RTP1: variants seen among roughly 807,000 people sequenced by gnomAD.
RTP1 encodes the protein receptor-transporting protein 1.
A neutral mutation model predicts 27.1 loss-of-function variants in RTP1; 24 were observed. The ratio of observed to expected loss-of-function variants is 0.89; its 90% confidence interval spans 0.64 to 1.25. The LOEUF (loss-of-function observed/expected upper bound fraction) is 1.25, where lower values mean the gene tolerates loss of function less well. RTP1 is among the 50% of genes most tolerant of loss of function. The probability of loss-of-function intolerance (pLI) is 0.00; values close to 1 mark genes in which losing one functional copy is unlikely to be tolerated. For missense variants in RTP1, 338 were observed against 351.6 expected (o/e 0.96, Z 0.31); for synonymous variants, 148 against 148.1 (o/e 1.00, Z 0.00).
At position 187,200,476 on chromosome 3, in the gene RTP1, C is replaced by G. The variant is rs1721700599; in HGVS notation, c.*406C>G. ...AAAAAAAAAAAAAAAAAAAGTTTAA[C>G]TACTTTTAAAAAGTTTGAAAATTAG... On this transcript the variant is annotated 3_prime_UTR_variant, in exon 2 of 2. Transcript: ENST00000312295. 6.7e-6 allele frequency: 1 copy of G among 150,184 alleles called. No individual in the cohort carries two copies. 9.3% of individuals were successfully genotyped at this position (150,184 alleles called of 1,614,324 possible).
chr3:187,199,452 A>AGGC, intron 1 of RTP1, 99 bp from the exon 2 acceptor site: 2 of 1,344,750 alleles, frequency 1.5e-6, no homozygotes, highest in South Asian at 2.8e-5. Flanking sequence ...CTCCACCTCC[A>AGGC]GGCTCTGCTT....
Position 187,197,635 on chromosome 3 carries a change from C to A in RTP1, c.120C>A (p.Ser40Arg). ...CTACTGACGAGACCATGTGTAAAAG[C>A]GTGACCACAGATGAGTGGAAGAAAG... ...SLTTDETMCK[S>R]VTTDEWKKVF... The change falls in exon 1 of 2, where the codon AGC becomes AGA. Residue 40 changes from serine to arginine, a missense_variant. Ser to Arg is a moderately radical substitution (Grantham distance 110). Transcript: ENST00000312295. The A allele has an allele frequency of 3.1e-6, 5 of 1,614,124 alleles. No homozygotes were observed. The highest frequency in any genetic ancestry group is 4.2e-6 in the Non-Finnish European group (5 of 1,180,018).
At chr3:187,197,901 C>A in intron 1 of RTP1, 114 bp downstream of exon 1, 1 of 1,049,962 alleles carries the variant, frequency 9.5e-7, no homozygotes, top group Non-Finnish European at 1.4e-6. Context: ...TTCAATCTCA[C>A]TATTAGGCTG....
rs905045520 is a variant in RTP1 at position 187,197,594 on chromosome 3, A to T, written c.79A>T (p.Lys27Ter). Reference sequence around the variant, plus strand: ...ACTCTCCGTGTTCTCACTAAGGTGGAAATTGCCTTCCCTCACTACTGACGA... The same window carrying T: ...ACTCTCCGTGTTCTCACTAAGGTGGTAATTGCCTTCCCTCACTACTGACGA... ...PSLSVFSLRWKLPSLTTDETM... is the reference protein window; with the variant it reads ...PSLSVFSLRW Residue 27 changes from lysine to a stop codon, truncating the protein, a stop_gained, in exon 1 of 2, where the codon AAA becomes TAA. Coordinates refer to ENST00000312295, the MANE Select transcript of RTP1 (RefSeq NM_153708.3). LOFTEE classifies it high-confidence loss of function. 1.9e-6 allele frequency: 3 copies of T among 1,614,152 alleles called. No individual in the cohort carries two copies. Among genetic ancestry groups the T allele is most frequent in the Admixed American group, 3.3e-5 (2 of 60,026 alleles).
intron 1 of RTP1, chr3:187,199,349 C>G (rs1316265222): frequency 1.8e-6 from 1 of 559,130 alleles, no homozygotes; most frequent in African/African-American, 1.9e-5. Context: ...CCGGTGACAT[C>G]CTGAGGAACC....
At position 187,199,778 on chromosome 3, in the gene RTP1, G is replaced by T; in HGVS notation, c.500G>T (p.Gly167Val). Residue 167 changes from glycine (G) to valine (V), a missense_variant, in exon 2 of 2, where the codon GGC (glycine) becomes GTC (valine). Around this residue, in one of 3 missense-constraint regions of RTP1, gnomAD observed 252 missense variants for 231.5 expected, o/e 1.09. Coordinates refer to ENST00000312295, the MANE Select transcript of RTP1 (RefSeq NM_153708.3). ...LITSLREQCY[G>V]ERGGQYRIHV... is the part of the protein sequence containing the mutation. Reference sequence around the variant, plus strand: ...ACCAGCCTGCGCGAGCAGTGCTACGGCGAGCGTGGCGGCCAGTACCGCATC... The same window carrying T: ...ACCAGCCTGCGCGAGCAGTGCTACGTCGAGCGTGGCGGCCAGTACCGCATC... 6.2e-7 allele frequency: 1 copy of T among 1,613,302 alleles called. No individual in the cohort carries two copies. Among genetic ancestry groups the T allele is most frequent in the Non-Finnish European group, 8.5e-7 (1 of 1,179,508 alleles).
chr3:187,201,431 G>A lies in RTP1; in HGVS notation c.*1361G>A, dbSNP rs1386234274. 1.3e-5 allele frequency: 2 copies of A among 152,144 alleles called. No individual in the cohort carries two copies. Among genetic ancestry groups the A allele is most frequent in the African/African-American group, 2.4e-5 (1 of 41,406 alleles). 9.4% of individuals were successfully genotyped at this position (152,144 alleles called of 1,614,324 possible). A position where few individuals can be genotyped will look rare whatever the true frequency, so the allele number is the denominator to read the frequency against. On this transcript the variant is annotated 3_prime_UTR_variant, in exon 2 of 2. Transcript: ENST00000312295. ...GGAAGGGGGTCACTTATATAAAGAT[G>A]GGACACTTTAATAAAGACAGGATAT...
At position 187,199,752 on chromosome 3, in the gene RTP1, C is replaced by T. The variant is rs762157509; in HGVS notation, c.474C>T (p.Ile158=). ...ENIEGLVDNL[I]TSLREQCYGE... ...TCGAGGGCCTGGTGGACAACCTCAT[C>T]ACCAGCCTGCGCGAGCAGTGCTACG... Residue 158 remains isoleucine (I), a synonymous_variant, in exon 2 of 2, where the codon ATC becomes ATT. Transcript: ENST00000312295. 6.2e-7 allele frequency: 1 copy of T among 1,613,634 alleles called. No individual in the cohort carries two copies. Among genetic ancestry groups the T allele is most frequent in the Admixed American group, 1.7e-5 (1 of 60,000 alleles).
intron 1 of RTP1, 29 bp from the exon 2 acceptor site, chr3:187,199,522 T>G (rs1038151662): frequency 6.4e-7 from 1 of 1,558,424 alleles, no homozygotes; most frequent in African/African-American, 1.4e-5. Flanking sequence ...GCCCGTCTTC[T>G]ATTCCTCCCT....
In RTP1 at chr3:187,200,428, G is replaced by T. The variant is rs998551619; in HGVS notation, c.*358G>T. 6 of 160,184 alleles carry T rather than the reference G, an allele frequency of 3.7e-5. No homozygotes were observed. The highest frequency in any genetic ancestry group is 2.2e-4 in the South Asian group (1 of 4,550). 9.9% of individuals were successfully genotyped at this position (160,184 alleles called of 1,614,324 possible). ...TCAGAACAGCTTTACTTTAGATAGG[G>T]TTCCATTTAAGATTTTTGTACCAAA... On this transcript the variant is annotated 3_prime_UTR_variant, in exon 2 of 2. Coordinates refer to ENST00000312295, the MANE Select transcript of RTP1 (RefSeq NM_153708.3).
At chr3:187,198,135 A>T (rs1043564936) in intron 1 of RTP1, 30 of 203,892 alleles carry the variant, frequency 1.5e-4, no homozygotes, top group African/African-American at 6.0e-4. Context: ...ACCAGAGAAG[A>T]AGGGTTTGAG....
rs367893714 is a variant in RTP1, at chr3:187,197,685, C to G, written c.170C>G (p.Ala57Gly). Reference protein sequence around the residue: ...KKVFYEKMEEAKPADSWDLII... With the variant: ...KKVFYEKMEEGKPADSWDLII... ...GTCTTCTATGAGAAGATGGAGGAGG[C>G]AAAGCCGGCTGACAGCTGGGACCTC... The change falls in exon 1 of 2, where the codon GCA becomes GGA. Residue 57 changes from alanine to glycine, a missense_variant. By Grantham distance (60) the Ala-to-Gly change is moderately conservative. Around this residue, in one of 3 missense-constraint regions of RTP1, gnomAD observed 64 missense variants for 74.5 expected, o/e 0.86. Transcript: ENST00000312295. The G allele has an allele frequency of 5.6e-6, 9 of 1,614,058 alleles. No homozygotes were observed. Among genetic ancestry groups the G allele is most frequent in the South Asian group, 1.1e-5 (1 of 91,084 alleles).
rs750359975 is a variant in RTP1 at position 187,199,656 on chromosome 3, C to T, written c.378C>T (p.Arg126=). 3.1e-6 allele frequency: 5 copies of T among 1,609,834 alleles called. No individual in the cohort carries two copies. Among genetic ancestry groups the T allele is most frequent in the East Asian group, 2.2e-5 (1 of 44,688 alleles). The change falls in exon 2 of 2, where the codon CGC becomes CGT. Residue 126 remains arginine (R), a synonymous_variant. Transcript: ENST00000312295. Reference sequence around the variant, plus strand: ...AGCGGGCGGGCTCGGTGCGCATGCGCGTCTTCAAGCAGCTGTGCTATGAGT... The same window carrying T: ...AGCGGGCGGGCTCGGTGCGCATGCGTGTCTTCAAGCAGCTGTGCTATGAGT... ...RAQRAGSVRM[R]VFKQLCYECG... is the part of the protein sequence containing the mutation.
chr3:187,200,557 A>T lies in RTP1; in HGVS notation c.*487A>T, dbSNP rs1721702091. On this transcript the variant is annotated 3_prime_UTR_variant, in exon 2 of 2. Coordinates refer to ENST00000312295, the MANE Select transcript of RTP1 (RefSeq NM_153708.3). The stretch of plus-strand genomic sequence containing the variant: ...CAGTAATGAGCTCGACCTTGCTCTT[A>T]TTAGTCCCTCACCCCTGCCCCTCAT... 6.6e-6 allele frequency: 1 copy of T among 151,550 alleles called. No homozygotes were observed. The highest frequency in any genetic ancestry group is 1.5e-5 in the Non-Finnish European group (1 of 68,034). 9.4% of individuals were successfully genotyped at this position (151,550 alleles called of 1,614,324 possible).
chr3:187,199,799 G>T lies in RTP1; in HGVS notation c.521G>T (p.Arg174Leu). Reference protein sequence around the residue: ...QCYGERGGQYRIHVASRQDNR... With the variant: ...QCYGERGGQYLIHVASRQDNR... ...TACGGCGAGCGTGGCGGCCAGTACCGCATCCACGTGGCCAGCCGCCAGGAC... is the reference window on the plus strand; with the variant it reads ...TACGGCGAGCGTGGCGGCCAGTACCTCATCCACGTGGCCAGCCGCCAGGAC... Residue 174 changes from arginine (R) to leucine (L), a missense_variant, in exon 2 of 2, where the codon CGC becomes CTC. By Grantham distance (102) the Arg-to-Leu change is moderately radical. Transcript: ENST00000312295. The T allele has an allele frequency of 6.2e-7, 1 of 1,611,212 alleles. No individual in the cohort carries two copies. The highest frequency in any genetic ancestry group is 8.5e-7 in the Non-Finnish European group (1 of 1,177,986).
Position 187,200,191 on chromosome 3 carries a change from GGGATCTT to G in RTP1, c.*125_*131del. On this transcript the variant is annotated 3_prime_UTR_variant, in exon 2 of 2. Transcript: ENST00000312295. The stretch of plus-strand genomic sequence containing the variant: ...CGCTGGTGATGTCACTGACTCAGTG[GGGATCTT>G]GGACAAATTATACAGTTTTTCCATC... 1.2e-6 allele frequency: 1 copy of G among 829,778 alleles called. No homozygotes were observed. The highest frequency in any genetic ancestry group is 1.7e-6 in the Non-Finnish European group (1 of 577,648). The allele number at this position is 829,778 out of a possible 1,614,324, so 51.4% of individuals were successfully genotyped here.
chr3:187,199,679 A>C lies in RTP1; in HGVS notation c.401A>C (p.Glu134Ala). 1.2e-6 allele frequency: 2 copies of C among 1,611,608 alleles called. No homozygotes were observed. The highest frequency in any genetic ancestry group is 1.7e-6 in the Non-Finnish European group (2 of 1,178,070). ...RMRVFKQLCYECGTARLDESS... is the reference protein window; with the variant it reads ...RMRVFKQLCYACGTARLDESS... ...CGCGTCTTCAAGCAGCTGTGCTATG[A>C]GTGCGGCACGGCGCGGCTGGACGAG... The change falls in exon 2 of 2, where the codon GAG becomes GCG. Residue 134 changes from glutamate to alanine, a missense_variant. Physicochemically the swap from Glu to Ala is moderately radical, Grantham distance 107 (BLOSUM62 -1). Coordinates refer to ENST00000312295, the MANE Select transcript of RTP1 (RefSeq NM_153708.3).
intron 1 of RTP1, 35 bp from the exon 2 acceptor site, chr3:187,199,516 G>A (rs569450047): frequency 1.0e-5 from 16 of 1,553,400 alleles, no homozygotes; most frequent in South Asian, 6.1e-5. Context: ...ACCTCCGCCC[G>A]TCTTCTATTC....
At chr3:187,199,512 G>T (rs773943818) in intron 1 of RTP1, 39 bp from the exon 2 acceptor site, 12 of 1,549,928 alleles carry the variant, frequency 7.7e-6, no homozygotes, top group Non-Finnish European at 9.6e-6. Context: ...CACCACCTCC[G>T]CCCGTCTTCT....
Sources: gnomAD v4.1 joint callset for allele counts on GRCh38, gnomAD v4.1.1 for gene constraint, gnomAD v4.1.1 regional missense constraint, MANE v1.5 for transcripts, NCBI Gene and HGNC (gene_info 2026-07-23, HGNC 2026-07-21) for gene names.